DLGAP2: variants seen among roughly 807,000 people sequenced by gnomAD.
DLGAP2 encodes DLG associated protein 2.
A neutral mutation model predicts 100.3 loss-of-function variants in DLGAP2; 26 were observed. That is an observed-to-expected ratio of 0.26 (90% confidence interval 0.19 to 0.36). The LOEUF (loss-of-function observed/expected upper bound fraction) is 0.36. Ranked by LOEUF, DLGAP2 falls within the 10% of genes least tolerant of loss-of-function variation. The pLI, the probability that DLGAP2 is intolerant of heterozygous loss-of-function variation, is 1.00. For synonymous variants in DLGAP2, 886 were observed against 630.1 expected (o/e 1.41, Z -6.08); for missense variants, 1,858 against 1,453.2 (o/e 1.28, Z -4.53).
intron 1 of DLGAP2, among the ~76,000 whole-genome samples, chr8:749,108 T>A (rs745563083): frequency 2.1e-4 from 32 of 152,170 alleles, no homozygotes; most frequent in African/African-American, 3.9e-4. Context: ...CAGGTGATAT[T>A]CCTGCCTCAG....
At chr8:1,352,936 T>C (rs1366558344) in intron 3 of DLGAP2, among the ~76,000 whole-genome samples, 2 of 152,110 alleles carry the variant, frequency 1.3e-5, no homozygotes, top group Admixed American at 6.5e-5. Flanking sequence ...GCCATTGGGG[T>C]GCTCTTTGAC....
At chr8:1,566,545 C>A (rs1458855085) in intron 6 of DLGAP2, among the ~76,000 whole-genome samples, 1 of 152,200 alleles carries the variant, frequency 6.6e-6, no homozygotes, top group African/African-American at 2.4e-5. Context: ...GTGGTAATGC[C>A]AAGAACTGCC....
chr8:1,330,761 T>C (rs1423554024), intron 3 of DLGAP2, among the ~76,000 whole-genome samples: 1 of 132,648 alleles, frequency 7.5e-6, no homozygotes, highest in Non-Finnish European at 1.6e-5. Context: ...GGAGCACCGC[T>C]TCATCGGGAC....
At chr8:1,582,626 G>C (rs139990709) in intron 6 of DLGAP2, among the ~76,000 whole-genome samples, 1 of 151,940 alleles carries the variant, frequency 6.6e-6, no homozygotes, top group African/African-American at 2.4e-5. Flanking sequence ...GTCTCGCTCC[G>C]TCACCCAGGC....
At position 1,609,415 on chromosome 8, in the gene DLGAP2, G is replaced by A. The variant is rs1418296487; in HGVS notation, c.1443-17325G>A. On this transcript the variant is annotated intron_variant, in intron 6 of 14. Coordinates refer to ENST00000637795, the MANE Select transcript of DLGAP2 (RefSeq NM_001346810.2). ...GCGCTAAACATGGAAAGGAACGACC[G>A]GTACCAGCTGCTGCAAAATCATGCC... 5.1e-5 allele frequency among the ~76,000 whole-genome samples: 7 copies of A among 137,146 alleles called. 1 individual carries two copies. Among genetic ancestry groups the A allele is most frequent in the East Asian group, 2.7e-4 (1 of 3,710 alleles). The allele number at this position is 137,146 out of a possible 152,430, so 90.0% of individuals were successfully genotyped here. A position where few individuals can be genotyped will look rare whatever the true frequency, so the allele number is the denominator to read the frequency against.
At chr8:1,041,278 C>T (rs139728621) in intron 2 of DLGAP2, among the ~76,000 whole-genome samples, 122 of 152,260 alleles carry the variant, frequency 8.0e-4, no homozygotes, top group African/African-American at 2.6e-3. Flanking sequence ...TGGTAACCAG[C>T]GAGTTAGCTT....
chr8:979,111 A>G (rs1563125483), intron 2 of DLGAP2, among the ~76,000 whole-genome samples: 1 of 152,064 alleles, frequency 6.6e-6, no homozygotes, highest in Non-Finnish European at 1.5e-5. Flanking sequence ...GGGGTGGGGG[A>G]TGGCGAGTGC....
rs1245943401 is a variant in DLGAP2 at position 1,496,443 on chromosome 8, C to T, written c.107-4923C>T. Among the ~76,000 whole-genome samples, 6 of 152,096 alleles carry T rather than the reference C, an allele frequency of 3.9e-5. No homozygotes were observed. The East Asian group carries it at 5.8e-4, about 15-fold the overall frequency. On this transcript the variant is annotated intron_variant, in intron 3 of 14. Transcript: ENST00000637795. ...TGTTGATGATGCAGCCACCTGGGCC[C>T]GGGCCTCTGAGGACCGGTTCTGGGA...
At chr8:1,247,434 G>T (rs1798936583) in intron 2 of DLGAP2, among the ~76,000 whole-genome samples, 1 of 132,936 alleles carries the variant, frequency 7.5e-6, no homozygotes, top group African/African-American at 3.1e-5. Flanking sequence ...GCCCATGTTG[G>T]TGGCCGGCAA....
At chr8:965,833 GTTCATCA>G (rs1219372184) in intron 2 of DLGAP2, among the ~76,000 whole-genome samples, 33 of 149,336 alleles carry the variant, frequency 2.2e-4, no homozygotes, top group Non-Finnish European at 4.5e-4. Context: ...ACACGGCACT[GTTCATCA>G]CACACGCGGC....
intron 10 of DLGAP2, among the ~76,000 whole-genome samples, chr8:1,673,484 A>G (rs770828734): frequency 3.3e-4 from 51 of 152,300 alleles, no homozygotes; most frequent in Non-Finnish European, 5.4e-4. Flanking sequence ...AGCAATGGAG[A>G]ACTTCATTTT....
intron 6 of DLGAP2, among the ~76,000 whole-genome samples, chr8:1,581,625 A>C (rs1201886820): frequency 6.6e-6 from 1 of 151,994 alleles, no homozygotes; most frequent in Non-Finnish European, 1.5e-5. Flanking sequence ...TGAAGGATAC[A>C]GACAAAACAC....
chr8:933,370 G>C (rs1232774431), intron 2 of DLGAP2, among the ~76,000 whole-genome samples: 2 of 151,500 alleles, frequency 1.3e-5, no homozygotes, highest in African/African-American at 4.9e-5. Flanking sequence ...TGAGGGCAGA[G>C]CCTGCTGTGC....
chr8:1,469,937 C>T (rs1798732335), intron 3 of DLGAP2, among the ~76,000 whole-genome samples: 1 of 151,512 alleles, frequency 6.6e-6, no homozygotes, highest in Non-Finnish European at 1.5e-5. Flanking sequence ...AGGAGGATTG[C>T]TTGAGCCCAG....
intron 1 of DLGAP2, among the ~76,000 whole-genome samples, chr8:751,844 A>T (rs953519040): frequency 2.6e-5 from 4 of 151,976 alleles, no homozygotes; most frequent in Admixed American, 1.3e-4. Flanking sequence ...GTAAGTCCTT[A>T]TAGGAAGTTC....
chr8:1,131,385 A>C (rs1796290719), intron 2 of DLGAP2, among the ~76,000 whole-genome samples: 2 of 152,016 alleles, frequency 1.3e-5, no homozygotes, highest in South Asian at 4.2e-4. Flanking sequence ...CCTGGTGGGA[A>C]CCTTCTCCCT....
chr8:1,505,433 A>G (rs1479165497), intron 4 of DLGAP2, among the ~76,000 whole-genome samples: 1 of 152,234 alleles, frequency 6.6e-6, no homozygotes, highest in Non-Finnish European at 1.5e-5. Flanking sequence ...AGGAAAGCTG[A>G]GTAGCATTGG....
chr8:1,193,769 C>T (rs1410324887), intron 2 of DLGAP2, among the ~76,000 whole-genome samples: 3 of 151,870 alleles, frequency 2.0e-5, no homozygotes, highest in Non-Finnish European at 2.9e-5. Context: ...ATCCCAGTCT[C>T]GGCCTCTAGA....
chr8:1,246,272 A>G (rs1798898779), intron 2 of DLGAP2, among the ~76,000 whole-genome samples: 1 of 152,238 alleles, frequency 6.6e-6, no homozygotes, highest in African/African-American at 2.4e-5. Context: ...AGAAACTTGC[A>G]GTCAGTCTGG....
Sources: allele counts gnomAD v4.1 joint callset (sites outside exome capture counted in the v4.1 genomes callset), GRCh38; gene constraint gnomAD v4.1.1; transcripts MANE v1.5; gene names NCBI Gene and HGNC (gene_info 2026-07-23, HGNC 2026-07-21).